OSTF1: variants seen among roughly 807,000 people sequenced by gnomAD.
OSTF1 encodes the protein osteoclast-stimulating factor 1.
A neutral mutation model predicts 37.2 loss-of-function variants in OSTF1; 27 were observed. That is an observed-to-expected ratio of 0.73 (90% CI 0.54 to 1.00). OSTF1 has a LOEUF of 1.00. Among genes scored for constraint, OSTF1 ranks in the 50% least tolerant of loss-of-function variants. The pLI is 0.00. For synonymous variants in OSTF1, 82 were observed against 89.2 expected, an observed-to-expected ratio of 0.92 and a Z score of 0.46; for missense variants, 232 against 253.8, an observed-to-expected ratio of 0.91 and a Z score of 0.58.
chr9:75,110,086 A>G (rs962672230), intron 1 of OSTF1, among the ~76,000 whole-genome samples: 2 of 152,210 alleles, frequency 1.3e-5, no homozygotes, highest in East Asian at 1.9e-4. Flanking sequence ...GCATCAATGC[A>G]TCATCATCAT....
intron 1 of OSTF1, among the ~76,000 whole-genome samples, chr9:75,110,045 C>T (rs1825357392): frequency 6.6e-6 from 1 of 152,176 alleles, no homozygotes; most frequent in African/African-American, 2.4e-5. Flanking sequence ...CTTAAAAAGA[C>T]ATTTGTTAGA....
intron 3 of OSTF1, 47 bp from the exon 4 acceptor site, chr9:75,130,531 A>C (rs892528394): frequency 8.1e-7 from 1 of 1,238,198 alleles, no homozygotes; most frequent in African/African-American, 1.5e-5. Flanking sequence ...AAGTGAATGA[A>C]TGCAGTCTGG....
chr9:75,124,122 G>T (rs1165790021), intron 2 of OSTF1, among the ~76,000 whole-genome samples: 1 of 152,028 alleles, frequency 6.6e-6, no homozygotes, highest in Non-Finnish European at 1.5e-5. Flanking sequence ...AACATAAAAT[G>T]AACCATTTAA....
chr9:75,136,796 T>G (rs1825850831), intron 7 of OSTF1, among the ~76,000 whole-genome samples: 3 of 152,148 alleles, frequency 2.0e-5, no homozygotes, highest in Admixed American at 1.3e-4. Flanking sequence ...CCTGGCTATT[T>G]TGCTAGGTGA....
chr9:75,121,882 G>T (rs911040658), intron 2 of OSTF1, among the ~76,000 whole-genome samples: 1 of 152,176 alleles, frequency 6.6e-6, no homozygotes, highest in Non-Finnish European at 1.5e-5. Flanking sequence ...AGCTCCCCAG[G>T]CAGGCCTGGG....
At chr9:75,143,361 G>A (rs1045238581) in intron 9 of OSTF1, among the ~76,000 whole-genome samples, 6 of 152,100 alleles carry the variant, frequency 3.9e-5, no homozygotes, top group Non-Finnish European at 8.8e-5. Context: ...AAAAATTTGT[G>A]TATAATTTAC....
intron 8 of OSTF1, among the ~76,000 whole-genome samples, chr9:75,137,955 T>C (rs191405778): frequency 8.5e-5 from 13 of 152,292 alleles, no homozygotes; most frequent in African/African-American, 2.9e-4. Flanking sequence ...CTGAGAAAGC[T>C]GTATAGGTAA....
chr9:75,139,099 G>C (rs1397374343), intron 8 of OSTF1, among the ~76,000 whole-genome samples: 4 of 117,476 alleles, frequency 3.4e-5, no homozygotes, highest in Non-Finnish European at 5.4e-5. Context: ...CTGGAATGCA[G>C]TGGCATGATC....
At chr9:75,125,485 TA>T (rs1212568482) in intron 2 of OSTF1, among the ~76,000 whole-genome samples, 2 of 152,204 alleles carry the variant, frequency 1.3e-5, no homozygotes, top group Non-Finnish European at 1.5e-5. Flanking sequence ...AGTAAAAACT[TA>T]TTTCAAATAA....
At chr9:75,120,986 G>A (rs114684464) in intron 2 of OSTF1, among the ~76,000 whole-genome samples, 144 of 152,270 alleles carry the variant, frequency 9.5e-4, no homozygotes, top group African/African-American at 3.3e-3. Flanking sequence ...ACTTCCACAC[G>A]TGGTATTTCA....
chr9:75,129,996 TATG>T (rs1825738080), intron 3 of OSTF1, among the ~76,000 whole-genome samples: 1 of 152,024 alleles, frequency 6.6e-6, no homozygotes, highest in African/African-American at 2.4e-5. Flanking sequence ...AATGAAATAA[TATG>T]ATGTCTAGAA....
At chr9:75,121,646 T>G (rs1329039213) in intron 2 of OSTF1, among the ~76,000 whole-genome samples, 1 of 152,216 alleles carries the variant, frequency 6.6e-6, no homozygotes, top group Non-Finnish European at 1.5e-5. Flanking sequence ...TGTTAAATTT[T>G]GAATCTCATT....
At chr9:75,105,419 A>T (rs1825267174) in intron 1 of OSTF1, among the ~76,000 whole-genome samples, 1 of 152,238 alleles carries the variant, frequency 6.6e-6, no homozygotes, top group Admixed American at 6.5e-5. Flanking sequence ...GACAAAGAAC[A>T]AATGAATGCT....
chr9:75,123,946 A>G (rs1261108617), intron 2 of OSTF1, among the ~76,000 whole-genome samples: 1 of 152,162 alleles, frequency 6.6e-6, no homozygotes, highest in Non-Finnish European at 1.5e-5. Flanking sequence ...TAATTCAAAA[A>G]CCGAAATAGC....
chr9:75,135,889 A>G (rs557730615), intron 7 of OSTF1, among the ~76,000 whole-genome samples: 1 of 152,212 alleles, frequency 6.6e-6, no homozygotes, highest in South Asian at 2.1e-4. Context: ...CCCTCTCTGT[A>G]GACAGCTCAC....
intron 2 of OSTF1, among the ~76,000 whole-genome samples, chr9:75,126,393 T>C (rs1825662095): frequency 6.6e-6 from 1 of 152,226 alleles, no homozygotes; most frequent in South Asian, 2.1e-4. Context: ...TGTGTTCTTA[T>C]CACATGTGAA....
At chr9:75,096,268 A>G (rs753663584) in intron 1 of OSTF1, among the ~76,000 whole-genome samples, 4 of 152,332 alleles carry the variant, frequency 2.6e-5, no homozygotes, top group African/African-American at 9.6e-5. Flanking sequence ...GAAAGCCACA[A>G]GGCAAATTTC....
intron 1 of OSTF1, among the ~76,000 whole-genome samples, chr9:75,106,632 T>G: frequency 2.0e-5 from 2 of 100,606 alleles, no homozygotes; most frequent in East Asian, 2.8e-4. Flanking sequence ...GCAACAAGAG[T>G]GAAATTCCAT....
rs1389676832 is a variant in OSTF1 at position 75,144,873 on chromosome 9, A to T, written c.587-1810A>T. Among the ~76,000 whole-genome samples the T allele has an allele frequency of 2.0e-5, 3 of 152,072 alleles. 1 individual carries two copies. The highest frequency in any genetic ancestry group is 7.2e-5 in the African/African-American group (3 of 41,410). ...TAAGGTCAGTTTGTGATTGGTAGAT[A>T]TGTCTCTTTATTTATTTTTTAAGCA... On this transcript the variant is annotated intron_variant, in intron 9 of 9. Coordinates refer to ENST00000346234, the MANE Select transcript of OSTF1 (RefSeq NM_012383.5).
Sources: gnomAD v4.1 joint callset for allele counts (sites outside exome capture counted in the v4.1 genomes callset) on GRCh38, gnomAD v4.1.1 for gene constraint, MANE v1.5 for transcripts, NCBI Gene and HGNC (gene_info 2026-07-23, HGNC 2026-07-21) for gene names.